Variants in CORO1C observed in about 807,000 individuals in gnomAD.
CORO1C encodes the protein coronin 1C.
In CORO1C, 14 loss-of-function variants were observed where a neutral mutation model predicts 51.2. The ratio of observed to expected loss-of-function variants is 0.27; its 90% CI spans 0.18 to 0.43. The LOEUF (loss-of-function observed/expected upper bound fraction) is 0.43, where lower values mean the gene tolerates loss of function less well. Among genes scored for constraint, CORO1C ranks in the 20% least tolerant of loss-of-function variants. CORO1C has a pLI of 1.00. For synonymous variants in CORO1C, 181 were observed against 210.5 expected (o/e 0.86, Z 1.21); for missense variants, 417 against 607.8 (o/e 0.69, Z 3.30).
chr12:108,724,534 A>G (rs1372820157), intron 1 of CORO1C, among the ~76,000 whole-genome samples: 1 of 152,152 alleles, frequency 6.6e-6, no homozygotes, highest in Non-Finnish European at 1.5e-5. Flanking sequence ...TCACCAGGGA[A>G]CTCACACCCA....
At chr12:108,647,997 CCTT>C (rs1162160893) in intron 10 of CORO1C, among the ~76,000 whole-genome samples, 2 of 152,186 alleles carry the variant, frequency 1.3e-5, no homozygotes, top group African/African-American at 4.8e-5. Context: ...TGTGTCCACT[CCTT>C]CTCTCTTACC....
intron 6 of CORO1C, among the ~76,000 whole-genome samples, chr12:108,654,817 C>T (rs1353982460): frequency 1.3e-5 from 2 of 151,958 alleles, no homozygotes; most frequent in Non-Finnish European, 2.9e-5. Flanking sequence ...ATTTTCCTGC[C>T]TCAGCCTGGC....
chr12:108,711,605 G>A (rs1409627549), intron 1 of CORO1C, among the ~76,000 whole-genome samples: 7 of 151,428 alleles, frequency 4.6e-5, no homozygotes, highest in Admixed American at 1.3e-4. Flanking sequence ...GCTTGAACTC[G>A]GGAGGCAGAG....
At chr12:108,685,035 T>A (rs980760886) in intron 2 of CORO1C, among the ~76,000 whole-genome samples, 7 of 152,188 alleles carry the variant, frequency 4.6e-5, no homozygotes, top group Non-Finnish European at 1.0e-4. Flanking sequence ...CAAATGATTT[T>A]TTCCAATCTG....
intron 3 of CORO1C, among the ~76,000 whole-genome samples, chr12:108,677,973 C>G (rs1294235896): frequency 6.6e-6 from 1 of 151,036 alleles, no homozygotes; most frequent in East Asian, 1.9e-4. Context: ...GAGCCGAGAT[C>G]ATGCCACTGC....
intron 1 of CORO1C, among the ~76,000 whole-genome samples, chr12:108,723,801 C>T (rs2035528001): frequency 6.6e-6 from 1 of 152,174 alleles, no homozygotes; most frequent in African/African-American, 2.4e-5. Flanking sequence ...CTGTGTTGTT[C>T]CTGTCTAAAC....
intron 2 of CORO1C, among the ~76,000 whole-genome samples, chr12:108,697,018 G>A (rs917289459): frequency 3.3e-5 from 5 of 152,176 alleles, no homozygotes; most frequent in Admixed American, 2.6e-4. Context: ...GTGCTTTGAT[G>A]TATTTATCCC....
intron 2 of CORO1C, among the ~76,000 whole-genome samples, chr12:108,688,713 C>A (rs967651152): frequency 2.0e-5 from 3 of 151,776 alleles, no homozygotes; most frequent in Non-Finnish European, 2.9e-5. Flanking sequence ...TCAAGACCAG[C>A]CTGGCCAACA....
At chr12:108,653,668 G>C (rs1355877806) in intron 7 of CORO1C, among the ~76,000 whole-genome samples, 6 of 152,206 alleles carry the variant, frequency 3.9e-5, no homozygotes, top group Non-Finnish European at 8.8e-5. Context: ...TAAGGCAGGA[G>C]GAAGGTTTTT....
intron 2 of CORO1C, among the ~76,000 whole-genome samples, chr12:108,698,508 GTGAT>G (rs1177164643): frequency 6.6e-6 from 1 of 152,230 alleles, no homozygotes; most frequent in East Asian, 1.9e-4. Context: ...CCGGGTTCAA[GTGAT>G]TCTCCTGCCT....
At chr12:108,706,147 A>G (rs1391393871) in intron 1 of CORO1C, among the ~76,000 whole-genome samples, 2 of 147,248 alleles carry the variant, frequency 1.4e-5, no homozygotes, top group Non-Finnish European at 3.0e-5. Flanking sequence ...AGACAGTGCC[A>G]CTGCACTCCA....
chr12:108,666,256 T>A (rs771404084), intron 3 of CORO1C, among the ~76,000 whole-genome samples: 2 of 152,174 alleles, frequency 1.3e-5, no homozygotes, highest in Admixed American at 6.5e-5. Flanking sequence ...GCTCAGGAGC[T>A]GCTAGGGAAA....
chr12:108,725,106 A>G (rs7973091), intron 1 of CORO1C, among the ~76,000 whole-genome samples: 11,207 of 152,236 alleles, frequency 0.074, 727 homozygotes, highest in African/African-American at 0.17. Context: ...CTGAATAGAG[A>G]AGACTGTCTG....
chr12:108,726,402 G>A (rs2035592764), intron 1 of CORO1C, among the ~76,000 whole-genome samples: 1 of 151,128 alleles, frequency 6.6e-6, no homozygotes, highest in South Asian at 2.1e-4. Flanking sequence ...ACTCTAGCCT[G>A]GGCGACAGAG....
intron 2 of CORO1C, among the ~76,000 whole-genome samples, chr12:108,681,141 T>C (rs1023579942): frequency 6.6e-6 from 1 of 152,176 alleles, no homozygotes; most frequent in Non-Finnish European, 1.5e-5. Flanking sequence ...GCTGGAACTA[T>C]AGGTGTGTGC....
intron 3 of CORO1C, among the ~76,000 whole-genome samples, chr12:108,669,984 C>T (rs922827091): frequency 2.0e-5 from 3 of 152,132 alleles, no homozygotes; most frequent in Non-Finnish European, 2.9e-5. Flanking sequence ...ATTTAATTTA[C>T]AAAATGTGCA....
intron 3 of CORO1C, among the ~76,000 whole-genome samples, chr12:108,663,033 A>T (rs2033334894): frequency 6.6e-6 from 1 of 152,262 alleles, no homozygotes. Flanking sequence ...AGACATTTCA[A>T]GGAAGACATA....
At chr12:108,661,566 C>G (rs564970601) in intron 4 of CORO1C, among the ~76,000 whole-genome samples, 3 of 152,032 alleles carry the variant, frequency 2.0e-5, no homozygotes, top group Admixed American at 6.6e-5. Context: ...ATGTTCTCTA[C>G]AGTATACATG....
intron 5 of CORO1C, 70 bp from the exon 6 acceptor site, chr12:108,657,493 A>G: frequency 6.5e-7 from 1 of 1,546,390 alleles, no homozygotes; most frequent in Non-Finnish European, 8.8e-7. Context: ...AAACTCGGGC[A>G]CAGATCCAAC....
Sources: gnomAD v4.1 joint callset for allele counts (sites outside exome capture counted in the v4.1 genomes callset) on GRCh38, gnomAD v4.1.1 for gene constraint, MANE v1.5 for transcripts, NCBI Gene and HGNC (gene_info 2026-07-23, HGNC 2026-07-21) for gene names.